Variants in MAP3K1 observed in about 807,000 individuals in gnomAD.
MAP3K1 encodes the protein mitogen-activated protein kinase kinase kinase 1, also known as MAP/ERK kinase kinase 1.
Under a neutral mutation model 144.2 loss-of-function variants are expected in MAP3K1, and 36 were observed. The observed-to-expected ratio is 0.25, with a 90% CI of 0.19 to 0.33. MAP3K1 has a LOEUF of 0.33. Ranked by LOEUF, MAP3K1 falls within the 10% of genes least tolerant of loss-of-function variation. The pLI, the probability that MAP3K1 is intolerant of heterozygous loss-of-function variation, is 1.00. For missense variants in MAP3K1, 1,650 were observed against 1,881.9 expected (o/e 0.88, Z 2.28); for synonymous variants, 718 against 688.7 (o/e 1.04, Z -0.67).
chr5:56,831,288 A>G (rs1445439125), intron 1 of MAP3K1, among the ~76,000 whole-genome samples: 1 of 150,696 alleles, frequency 6.6e-6, no homozygotes, highest in Non-Finnish European at 1.5e-5. Flanking sequence ...CTGTGATTAT[A>G]TGTGTCCCCT....
At chr5:56,892,691 T>G (rs1263092552) in intron 19 of MAP3K1, among the ~76,000 whole-genome samples, 1 of 152,066 alleles carries the variant, frequency 6.6e-6, no homozygotes, top group South Asian at 2.1e-4. Flanking sequence ...CTGAAAAAAA[T>G]TATTTTTAGG....
intron 10 of MAP3K1, among the ~76,000 whole-genome samples, chr5:56,876,475 G>C (rs774243429): frequency 6.6e-6 from 1 of 152,258 alleles, no homozygotes; most frequent in Admixed American, 6.5e-5. Context: ...TTCTTGACAG[G>C]TAATACAGCA....
chr5:56,825,801 C>T (rs1224880357), intron 1 of MAP3K1, among the ~76,000 whole-genome samples: 5 of 152,090 alleles, frequency 3.3e-5, no homozygotes, highest in African/African-American at 1.2e-4. Flanking sequence ...ACTGTCAACC[C>T]ACTGTCAACC....
At position 56,884,841 on chromosome 5, in the gene MAP3K1, T is replaced by TAAATTACA. The variant is rs781415477; in HGVS notation, c.3982+20_3982+27dup. ...ATGGATGGCAGGTATGTTAATGTTT[T>TAAATTACA]AAATTACAAAATAGTAGTACGTGGA... On this transcript the variant is annotated intron_variant, in intron 16 of 19. Coordinates refer to ENST00000399503, the MANE Select transcript of MAP3K1 (RefSeq NM_005921.2). The TAAATTACA allele has an allele frequency of 6.2e-7, 1 of 1,611,388 alleles. No individual in the cohort carries two copies. The highest frequency in any genetic ancestry group is 1.3e-5 in the African/African-American group (1 of 74,878).
intron 1 of MAP3K1, among the ~76,000 whole-genome samples, chr5:56,848,730 T>C (rs1747073541): frequency 6.6e-6 from 1 of 152,244 alleles, no homozygotes; most frequent in East Asian, 1.9e-4. Flanking sequence ...GGAGTGGTGT[T>C]TTGATGGAAA....
intron 7 of MAP3K1, 24 bp from the exon 8 acceptor site, chr5:56,872,617 G>C (rs1412288777): frequency 7.4e-7 from 1 of 1,353,980 alleles, no homozygotes; most frequent in Non-Finnish European, 1.1e-6. Flanking sequence ...ATTTTTGTAA[G>C]ATTTTGTTTC....
Position 56,894,583 on chromosome 5 carries a change from A to AGAC in MAP3K1, c.*905_*906insCGA. On this transcript the variant is annotated 3_prime_UTR_variant, in exon 20 of 20. Coordinates refer to ENST00000399503, the MANE Select transcript of MAP3K1 (RefSeq NM_005921.2). ...CTGGTGCAACTCACAACCAAGATCAAGATTACCTTAAAATTTATTTGAATT... is the reference window on the plus strand; with the variant it reads ...CTGGTGCAACTCACAACCAAGATCAAGACGATTACCTTAAAATTTATTTGAATT... 1 of 232,644 alleles carries AGAC rather than the reference A, an allele frequency of 4.3e-6. No homozygotes were observed. Among genetic ancestry groups the AGAC allele is most frequent in the Non-Finnish European group, 8.5e-6 (1 of 117,660 alleles). 14.4% of individuals were successfully genotyped at this position (232,644 alleles called of 1,614,324 possible). A position where few individuals can be genotyped will look rare whatever the true frequency, so the allele number is the denominator to read the frequency against.
chr5:56,846,841 A>G (rs1348867809), intron 1 of MAP3K1, among the ~76,000 whole-genome samples: 1 of 152,238 alleles, frequency 6.6e-6, no homozygotes, highest in African/African-American at 2.4e-5. Flanking sequence ...CTGTTCATCT[A>G]TTAACACATT....
chr5:56,855,861 C>T (rs931930361), intron 1 of MAP3K1, among the ~76,000 whole-genome samples: 3 of 152,114 alleles, frequency 2.0e-5, no homozygotes, highest in Admixed American at 1.3e-4. Flanking sequence ...CTATGCATAT[C>T]GTGTATGCAT....
Position 56,815,570 on chromosome 5 carries a change from G to A in MAP3K1, c.-4G>A. On this transcript the variant is annotated 5_prime_UTR_variant, in exon 1 of 20. Coordinates refer to ENST00000399503, the MANE Select transcript of MAP3K1 (RefSeq NM_005921.2). ...GGCCGAGCGAATGTAGCCCGCGAGA[G>A]AAAATGGCGGCGGCGGCGGGGAATC... 3.8e-6 allele frequency: 5 copies of A among 1,305,010 alleles called. No individual in the cohort carries two copies. Among genetic ancestry groups the A allele is most frequent in the South Asian group, 2.2e-5 (1 of 45,944 alleles). 80.8% of individuals were successfully genotyped at this position (1,305,010 alleles called of 1,614,324 possible).
rs139494186 is a variant in MAP3K1, at chr5:56,869,230, C to T, written c.1302-2680C>T. On this transcript the variant is annotated intron_variant, in intron 6 of 19. Transcript: ENST00000399503. Reference sequence around the variant, plus strand: ...AGGCTGCAGTGAGCTATACTTGTGCCGCTGTACTACAGTCTGGGTGACAGA... The same window carrying T: ...AGGCTGCAGTGAGCTATACTTGTGCTGCTGTACTACAGTCTGGGTGACAGA... 7.0e-4 allele frequency among the ~76,000 whole-genome samples: 106 copies of T among 152,168 alleles called. No individual in the cohort carries two copies. In the East Asian group the frequency reaches 8.5e-3, roughly 12 times the overall value.
chr5:56,850,067 A>G (rs1453038304), intron 1 of MAP3K1, among the ~76,000 whole-genome samples: 1 of 152,166 alleles, frequency 6.6e-6, no homozygotes, highest in East Asian at 1.9e-4. Context: ...CTGTTTCATT[A>G]TGCTCTCCCT....
chr5:56,816,032 G>T lies in MAP3K1; in HGVS notation c.459G>T (p.Pro153=). Residue 153 remains proline, a synonymous_variant, in exon 1 of 20, where the codon CCG becomes CCT. Coordinates refer to ENST00000399503, the MANE Select transcript of MAP3K1 (RefSeq NM_005921.2). ...PGEKRAPAAE[P]SPAAAPAGRE... ...AGAAGCGGGCGCCCGCCGCCGAGCC[G>T]TCTCCTGCAGCGGCCCCCGCCGGGT... 8.2e-7 allele frequency: 1 copy of T among 1,216,564 alleles called. No individual in the cohort carries two copies. Among genetic ancestry groups the T allele is most frequent in the Non-Finnish European group, 1.0e-6 (1 of 979,742 alleles). 75.4% of individuals were successfully genotyped at this position (1,216,564 alleles called of 1,614,324 possible).
rs560680381 is a variant in MAP3K1 at position 56,824,091 on chromosome 5, A to G, written c.482+8036A>G. Reference sequence around the variant, plus strand: ...TTTGATCATAATTCAACTTGGGATAAATAAAAGTTCACATTTCCATTGAAG... The same window carrying G: ...TTTGATCATAATTCAACTTGGGATAGATAAAAGTTCACATTTCCATTGAAG... On this transcript the variant is annotated intron_variant, in intron 1 of 19. Coordinates refer to ENST00000399503, the MANE Select transcript of MAP3K1 (RefSeq NM_005921.2). 2.0e-5 allele frequency among the ~76,000 whole-genome samples: 3 copies of G among 152,202 alleles called. No homozygotes were observed. In the South Asian group the frequency reaches 6.2e-4, roughly 31 times the overall value.
chr5:56,852,292 T>G (rs1267818453), intron 1 of MAP3K1, among the ~76,000 whole-genome samples: 1 of 151,778 alleles, frequency 6.6e-6, no homozygotes, highest in Non-Finnish European at 1.5e-5. Flanking sequence ...TACAAGAGAG[T>G]TAGCACAATC....
chr5:56,825,375 T>G (rs1016587291), intron 1 of MAP3K1, among the ~76,000 whole-genome samples: 1 of 152,160 alleles, frequency 6.6e-6, no homozygotes, highest in Non-Finnish European at 1.5e-5. Context: ...AAAGCTAGTC[T>G]TTAACCAGGA....
intron 1 of MAP3K1, among the ~76,000 whole-genome samples, chr5:56,829,953 C>T (rs769490254): frequency 6.6e-6 from 1 of 152,154 alleles, no homozygotes; most frequent in Non-Finnish European, 1.5e-5. Flanking sequence ...TGAAGACACA[C>T]GAGAACAAAG....
intron 1 of MAP3K1, among the ~76,000 whole-genome samples, chr5:56,816,724 G>T (rs907523879): frequency 6.6e-6 from 1 of 152,194 alleles, no homozygotes; most frequent in Non-Finnish European, 1.5e-5. Context: ...GCCGTGCGGC[G>T]GGAGGCTGCA....
At chr5:56,862,328 G>A (rs1747541399) in intron 3 of MAP3K1, among the ~76,000 whole-genome samples, 1 of 152,158 alleles carries the variant, frequency 6.6e-6, no homozygotes, top group South Asian at 2.1e-4. Flanking sequence ...GTTTGCTAAT[G>A]CCTTATTGTC....
Sources: allele counts gnomAD v4.1 joint callset (sites outside exome capture counted in the v4.1 genomes callset), GRCh38; gene constraint gnomAD v4.1.1; transcripts MANE v1.5; gene names NCBI Gene and HGNC (gene_info 2026-07-23, HGNC 2026-07-21).